The following PDE7B variants were observed in gnomAD, a reference collection of about 807,000 sequenced individuals.
PDE7B encodes phosphodiesterase 7B, also known as 3',5'-cyclic-AMP phosphodiesterase 7B.
Under a neutral mutation model 56.2 loss-of-function variants are expected in PDE7B, and 29 were observed. The observed-to-expected ratio is 0.52, with a 90% CI of 0.38 to 0.70. PDE7B has a LOEUF of 0.70. PDE7B is among the 30% of genes least tolerant of loss of function. The pLI is 0.00. For missense variants in PDE7B, 490 were observed against 565.0 expected (o/e 0.87, Z 1.35); for synonymous variants, 197 against 196.9 (o/e 1.00, Z 0.00).
At chr6:135,935,191 T>TATATATATATATATATATATATATAG (rs1774397318) in intron 1 of PDE7B, among the ~76,000 whole-genome samples, 1 of 31,638 alleles carries the variant, frequency 3.2e-5, no homozygotes, top group Non-Finnish European at 5.3e-5. Flanking sequence ...TATATTTATT[T>TATATATATATATATATATATATATAG]ATATATATAT....
chr6:135,941,997 G>C (rs867635315), intron 1 of PDE7B, among the ~76,000 whole-genome samples: 1 of 152,216 alleles, frequency 6.6e-6, no homozygotes, highest in African/African-American at 2.4e-5. Context: ...ACTGGTTTAA[G>C]AAAGCTGGAA....
chr6:135,937,755 A>G (rs191982406), intron 1 of PDE7B, among the ~76,000 whole-genome samples: 22 of 152,162 alleles, frequency 1.4e-4, no homozygotes, highest in Admixed American at 7.2e-4. Flanking sequence ...TCCTGCCCCA[A>G]TGACCTCTGC....
intron 12 of PDE7B, among the ~76,000 whole-genome samples, chr6:136,189,282 A>G (rs1779186100): frequency 6.6e-6 from 1 of 152,230 alleles, no homozygotes; most frequent in Admixed American, 6.5e-5. Flanking sequence ...GGAAGATATT[A>G]GCCAGGCGGG....
intron 8 of PDE7B, among the ~76,000 whole-genome samples, chr6:136,161,776 T>A (rs1778707531): frequency 6.6e-6 from 1 of 152,172 alleles, no homozygotes. Context: ...AACTTTGGGG[T>A]TTGGGGTATC....
At chr6:136,172,359 G>A (rs1344471962) in intron 8 of PDE7B, among the ~76,000 whole-genome samples, 2 of 152,154 alleles carry the variant, frequency 1.3e-5, no homozygotes, top group Non-Finnish European at 2.9e-5. Flanking sequence ...ATCTCACTGT[G>A]GTTTTGATTT....
In PDE7B at chr6:135,953,471, C is replaced by T. The variant is rs916394917; in HGVS notation, c.82+5947C>T. ...TAGACCTGTTTACTCTTCTCTAAAA[C>T]TGAATAATAAGCAATAATAACAATA... On this transcript the variant is annotated intron_variant, in intron 2 of 12. Transcript: ENST00000308191. 2.0e-5 allele frequency among the ~76,000 whole-genome samples: 3 copies of T among 152,152 alleles called. No homozygotes were observed. The South Asian group carries it at 6.2e-4, about 32-fold the overall frequency.
intron 2 of PDE7B, among the ~76,000 whole-genome samples, chr6:135,967,504 G>T (rs1775015255): frequency 6.6e-6 from 1 of 152,136 alleles, no homozygotes; most frequent in Non-Finnish European, 1.5e-5. Context: ...CAGAACTTCA[G>T]CTTTCAAAAT....
chr6:135,942,085 G>A (rs1431205134), intron 1 of PDE7B, among the ~76,000 whole-genome samples: 1 of 152,096 alleles, frequency 6.6e-6, no homozygotes, highest in East Asian at 1.9e-4. Context: ...TGTGATGTGG[G>A]ACTATTATCA....
intron 2 of PDE7B, among the ~76,000 whole-genome samples, chr6:136,005,085 G>C (rs978744509): frequency 6.6e-6 from 1 of 152,002 alleles, no homozygotes; most frequent in Non-Finnish European, 1.5e-5. Flanking sequence ...ACAAACCTGA[G>C]AAAAACAAGC....
rs181423902 is a variant in PDE7B at position 135,992,156 on chromosome 6, G to T, written c.82+44632G>T. The stretch of plus-strand genomic sequence containing the variant: ...TCCCTGGGCCGCTCTGAAAGAAGAA[G>T]AATTGTCTTGGGCCACACATAAAAT... On this transcript the variant is annotated intron_variant, in intron 2 of 12. Coordinates refer to ENST00000308191, the MANE Select transcript of PDE7B (RefSeq NM_018945.4). Among the ~76,000 whole-genome samples the T allele has an allele frequency of 1.0e-4, 15 of 150,208 alleles. No individual in the cohort carries two copies. In the East Asian group the frequency reaches 2.3e-3, roughly 23 times the overall value.
At chr6:135,853,997 G>A (rs7763399) in intron 1 of PDE7B, among the ~76,000 whole-genome samples, 16,813 of 152,130 alleles carry the variant, frequency 0.11, 2,088 homozygotes, top group African/African-American at 0.31. Flanking sequence ...AGTCCAGCCT[G>A]AAATATTATC....
chr6:135,898,923 C>T (rs1467855678), intron 1 of PDE7B, among the ~76,000 whole-genome samples: 1 of 152,084 alleles, frequency 6.6e-6, no homozygotes, highest in Non-Finnish European at 1.5e-5. Flanking sequence ...GCTGTGTCCC[C>T]ACCCAAATCT....
intron 2 of PDE7B, among the ~76,000 whole-genome samples, chr6:135,967,135 T>C (rs1313214826): frequency 6.6e-6 from 1 of 152,158 alleles, no homozygotes; most frequent in Non-Finnish European, 1.5e-5. Flanking sequence ...AAAGCATTGA[T>C]AGGCCCAGAA....
intron 1 of PDE7B, among the ~76,000 whole-genome samples, chr6:135,910,754 C>T (rs752337356): frequency 1.5e-4 from 23 of 152,114 alleles, no homozygotes; most frequent in African/African-American, 3.6e-4. Context: ...CCCACAACCC[C>T]GGCTCCACCC....
intron 1 of PDE7B, among the ~76,000 whole-genome samples, chr6:135,866,812 A>G (rs1419202360): frequency 1.3e-5 from 2 of 152,224 alleles, no homozygotes; most frequent in South Asian, 2.1e-4. Context: ...TTTCCAGGAC[A>G]CTAGCCATGT....
intron 2 of PDE7B, among the ~76,000 whole-genome samples, chr6:136,091,297 T>C (rs920905946): frequency 1.3e-5 from 2 of 152,228 alleles, no homozygotes; most frequent in Non-Finnish European, 1.5e-5. Flanking sequence ...AATTTCTTTT[T>C]TCCTCCCATA....
At chr6:135,916,272 G>A (rs1002803706) in intron 1 of PDE7B, among the ~76,000 whole-genome samples, 3 of 151,506 alleles carry the variant, frequency 2.0e-5, no homozygotes, top group Admixed American at 6.6e-5. Flanking sequence ...GTGTGTGGTG[G>A]TTTTAATTTA....
intron 1 of PDE7B, among the ~76,000 whole-genome samples, chr6:135,938,791 A>G (rs368840363): frequency 1.3e-5 from 2 of 152,320 alleles, no homozygotes; most frequent in Non-Finnish European, 2.9e-5. Context: ...GATCTTAGCC[A>G]TATAGCCTTT....
At chr6:136,074,680 T>A (rs1777102814) in intron 2 of PDE7B, among the ~76,000 whole-genome samples, 1 of 152,240 alleles carries the variant, frequency 6.6e-6, no homozygotes, top group South Asian at 2.1e-4. Context: ...TATATAAAGT[T>A]GATCTTTCTG....
Sources: gnomAD v4.1 joint callset for allele counts (sites outside exome capture counted in the v4.1 genomes callset) on GRCh38, gnomAD v4.1.1 for gene constraint, MANE v1.5 for transcripts, NCBI Gene and HGNC (gene_info 2026-07-23, HGNC 2026-07-21) for gene names.